Variants in HS3ST5 observed in about 807,000 individuals in gnomAD.
HS3ST5 encodes the protein heparan sulfate glucosamine 3-O-sulfotransferase 5.
Under a neutral mutation model 25.4 loss-of-function variants are expected in HS3ST5, and 10 were observed. That is an observed-to-expected ratio of 0.39 (90% CI 0.24 to 0.67). The LOEUF (loss-of-function observed/expected upper bound fraction) is 0.67. Among genes scored for constraint, HS3ST5 ranks in the 30% least tolerant of loss-of-function variants. The pLI is 0.44. For synonymous variants in HS3ST5, 170 were observed against 162.4 expected, an observed-to-expected ratio of 1.05 and a Z score of -0.36; for missense variants, 324 against 420.7, an observed-to-expected ratio of 0.77 and a Z score of 2.01.
At chr6:114,295,749 G>C (rs921607888) in intron 1 of HS3ST5, among the ~76,000 whole-genome samples, 3 of 152,166 alleles carry the variant, frequency 2.0e-5, no homozygotes, top group Admixed American at 2.0e-4. Context: ...GTGCCCCTTG[G>C]TGCTCCATAA....
At chr6:114,121,561 T>C (rs938717463) in intron 3 of HS3ST5, among the ~76,000 whole-genome samples, 1 of 152,154 alleles carries the variant, frequency 6.6e-6, no homozygotes, top group African/African-American at 2.4e-5. Context: ...CTTTTCTTTG[T>C]AGATAAATAA....
intron 1 of HS3ST5, among the ~76,000 whole-genome samples, chr6:114,280,148 G>C (rs927175200): frequency 6.6e-6 from 1 of 151,726 alleles, no homozygotes; most frequent in Admixed American, 6.6e-5. Flanking sequence ...TGGGGGATGA[G>C]GTGTGGGGGA....
intron 3 of HS3ST5, among the ~76,000 whole-genome samples, chr6:114,149,281 C>T (rs998005883): frequency 4.6e-5 from 7 of 152,288 alleles, no homozygotes; most frequent in African/African-American, 1.7e-4. Flanking sequence ...CACATGCACA[C>T]ACATGTTTAT....
intron 3 of HS3ST5, among the ~76,000 whole-genome samples, chr6:114,115,748 C>T (rs1336765360): frequency 2.0e-5 from 3 of 151,918 alleles, no homozygotes; most frequent in African/African-American, 7.3e-5. Context: ...GTTTAGCATC[C>T]AAGCAGGCTT....
chr6:114,093,685 G>T (rs1391400090), intron 3 of HS3ST5, among the ~76,000 whole-genome samples: 1 of 151,750 alleles, frequency 6.6e-6, no homozygotes, highest in Non-Finnish European at 1.5e-5. Context: ...ATGACTTAGG[G>T]CAGACATGAT....
At chr6:114,193,726 C>T (rs554307276) in intron 2 of HS3ST5, among the ~76,000 whole-genome samples, 62 of 152,264 alleles carry the variant, frequency 4.1e-4, no homozygotes, top group African/African-American at 1.2e-3. Flanking sequence ...TATTATCCCC[C>T]AAAGACAACT....
At chr6:114,075,395 A>G (rs925902039) in intron 3 of HS3ST5, among the ~76,000 whole-genome samples, 2 of 152,174 alleles carry the variant, frequency 1.3e-5, no homozygotes, top group Non-Finnish European at 2.9e-5. Flanking sequence ...TACTCTCCAA[A>G]AAGCACAACT....
intron 1 of HS3ST5, among the ~76,000 whole-genome samples, chr6:114,245,237 A>G (rs1223445252): frequency 6.6e-6 from 1 of 152,178 alleles, no homozygotes; most frequent in Non-Finnish European, 1.5e-5. Flanking sequence ...AAGTAGATTA[A>G]AAAGATAAAT....
At chr6:114,244,768 T>C (rs1176489047) in intron 1 of HS3ST5, among the ~76,000 whole-genome samples, 3 of 152,180 alleles carry the variant, frequency 2.0e-5, no homozygotes, top group Non-Finnish European at 2.9e-5. Flanking sequence ...ATAAGGAGCT[T>C]CCCCAGGTAG....
intron 2 of HS3ST5, among the ~76,000 whole-genome samples, chr6:114,176,449 A>G (rs1779726924): frequency 2.0e-5 from 3 of 152,214 alleles, no homozygotes; most frequent in Non-Finnish European, 2.9e-5. Flanking sequence ...GGAAAAAGCC[A>G]CTTGTATCAT....
chr6:114,174,197 C>T (rs776398026), intron 2 of HS3ST5, among the ~76,000 whole-genome samples: 8 of 152,036 alleles, frequency 5.3e-5, no homozygotes, highest in Non-Finnish European at 1.2e-4. Context: ...ATCAGCCTGG[C>T]TAATTTCTCC....
At chr6:114,121,740 C>T (rs1442536278) in intron 3 of HS3ST5, among the ~76,000 whole-genome samples, 1 of 152,096 alleles carries the variant, frequency 6.6e-6, no homozygotes, top group Non-Finnish European at 1.5e-5. Context: ...TTTAAGTTGT[C>T]TCCAATATTT....
chr6:114,105,176 G>A (rs903204008), intron 3 of HS3ST5, among the ~76,000 whole-genome samples: 2 of 152,160 alleles, frequency 1.3e-5, no homozygotes, highest in Non-Finnish European at 2.9e-5. Flanking sequence ...GAAAAAGAAG[G>A]CAGCAGCTCA....
intron 3 of HS3ST5, among the ~76,000 whole-genome samples, chr6:114,089,924 A>G (rs1775033976): frequency 1.3e-5 from 2 of 152,220 alleles, no homozygotes; most frequent in South Asian, 4.1e-4. Flanking sequence ...TATAACAATA[A>G]TCGGAATAAT....
At chr6:114,295,667 A>C (rs897917975) in intron 1 of HS3ST5, among the ~76,000 whole-genome samples, 8 of 152,246 alleles carry the variant, frequency 5.3e-5, no homozygotes, top group African/African-American at 1.7e-4. Context: ...AAAAGCATGC[A>C]AACTATATAG....
rs377562149 is a variant in HS3ST5 at position 114,315,833 on chromosome 6, C to G, written c.-339+26362G>C. ...TCTTATCTGCACTTTGTTTTCTCTC[C>G]CACTTTAAAATCTTTGCATAAAATC... is the stretch of plus-strand genomic sequence containing the variant. On this transcript the variant is annotated intron_variant, in intron 1 of 4. Coordinates refer to ENST00000312719, the MANE Select transcript of HS3ST5 (RefSeq NM_153612.4). Among the ~76,000 whole-genome samples the G allele has an allele frequency of 2.2e-3, 332 of 152,186 alleles. 2 individuals carry two copies. Among genetic ancestry groups the G allele is most frequent in the Non-Finnish European group, 2.7e-3 (184 of 67,996 alleles).
chr6:114,084,350 G>T, intron 3 of HS3ST5: 1 of 758,390 alleles, frequency 1.3e-6, no homozygotes, highest in South Asian at 1.3e-5. Flanking sequence ...GTGAACTCAG[G>T]AGCTGAATCA....
At chr6:114,153,932 A>T (rs1228656029) in intron 3 of HS3ST5, among the ~76,000 whole-genome samples, 1 of 152,184 alleles carries the variant, frequency 6.6e-6, no homozygotes, top group Non-Finnish European at 1.5e-5. Context: ...TCAACTGCAC[A>T]GTGGTGAGCA....
chr6:114,125,121 T>A (rs1776977812), intron 3 of HS3ST5, among the ~76,000 whole-genome samples: 2 of 152,024 alleles, frequency 1.3e-5, no homozygotes, highest in African/African-American at 4.8e-5. Flanking sequence ...AAATAAAATA[T>A]GTTCAATAAA....
Sources: allele counts gnomAD v4.1 joint callset (sites outside exome capture counted in the v4.1 genomes callset), GRCh38; gene constraint gnomAD v4.1.1; transcripts MANE v1.5; gene names NCBI Gene and HGNC (gene_info 2026-07-23, HGNC 2026-07-21).